The following WDFY4 variants were observed in gnomAD, a reference collection of about 807,000 sequenced individuals.
WDFY4 encodes WDFY family member 4, also known as WD repeat- and FYVE domain-containing protein 4.
Under a neutral mutation model 351.9 loss-of-function variants are expected in WDFY4, and 169 were observed. The observed-to-expected ratio is 0.48, with a 90% CI of 0.42 to 0.55. WDFY4 has a LOEUF of 0.55. Ranked by LOEUF, WDFY4 falls within the 20% of genes least tolerant of loss-of-function variation. The pLI is 0.00. For missense variants in WDFY4, 3,803 were observed against 3,935.6 expected, an observed-to-expected ratio of 0.97 and a Z score of 0.90; for synonymous variants, 1,622 against 1,574.6, an observed-to-expected ratio of 1.03 and a Z score of -0.71.
chr10:48,805,655 C>G lies in WDFY4; in HGVS notation c.4646+234C>G, dbSNP rs554637816. 5.3e-5 allele frequency among the ~76,000 whole-genome samples: 8 copies of G among 152,318 alleles called. No individual in the cohort carries two copies. In the East Asian group the frequency reaches 5.8e-4, roughly 11 times the overall value. ...ACTGTTCCCACTGCTCAGGCTCCCC[C>G]ACTGTGGCCAAATATTCAGGAATTT... On this transcript the variant is annotated intron_variant, in intron 26 of 61. Coordinates refer to ENST00000325239, the MANE Select transcript of WDFY4 (RefSeq NM_001394531.1).
At chr10:48,888,933 C>G (rs904477223) in intron 43 of WDFY4, among the ~76,000 whole-genome samples, 16 of 152,162 alleles carry the variant, frequency 1.1e-4, no homozygotes, top group African/African-American at 3.9e-4. Flanking sequence ...GGTTAAAATC[C>G]CGCTACTGGA....
At chr10:48,817,968 G>A (rs970356280) in intron 32 of WDFY4, among the ~76,000 whole-genome samples, 2 of 152,240 alleles carry the variant, frequency 1.3e-5, no homozygotes, top group Non-Finnish European at 2.9e-5. Context: ...AGGGGCTATG[G>A]GAAGACATGT....
chr10:48,756,783 C>T (rs7922895), intron 12 of WDFY4, among the ~76,000 whole-genome samples: 5 of 152,038 alleles, frequency 3.3e-5, no homozygotes, highest in Non-Finnish European at 5.9e-5. Context: ...CTTGCATTTA[C>T]GGGTAGTCCA....
intron 17 of WDFY4, among the ~76,000 whole-genome samples, chr10:48,778,375 T>C (rs2132643018): frequency 6.6e-6 from 1 of 152,364 alleles, no homozygotes; most frequent in African/African-American, 2.4e-5. Context: ...CAGAGCACAC[T>C]GCCTGGCTAT....
chr10:48,959,662 C>T (rs1377416901), intron 52 of WDFY4, 60 bp from the exon 53 acceptor site: 3 of 1,441,476 alleles, frequency 2.1e-6, no homozygotes, highest in African/African-American at 2.8e-5. Flanking sequence ...TATTTTACAT[C>T]CCCCAGTTCC....
At chr10:48,732,741 A>G (rs1158810378) in intron 9 of WDFY4, among the ~76,000 whole-genome samples, 3 of 152,258 alleles carry the variant, frequency 2.0e-5, no homozygotes, top group Non-Finnish European at 4.4e-5. Flanking sequence ...TGCCTGGTAC[A>G]TAACAGGGGC....
intron 51 of WDFY4, among the ~76,000 whole-genome samples, chr10:48,947,725 C>T (rs1407953679): frequency 6.6e-6 from 1 of 152,112 alleles, no homozygotes; most frequent in Non-Finnish European, 1.5e-5. Flanking sequence ...TCACTGGGAT[C>T]CTGCTTCCAA....
intron 11 of WDFY4, among the ~76,000 whole-genome samples, chr10:48,741,826 C>T (rs976832711): frequency 3.3e-5 from 5 of 152,156 alleles, no homozygotes; most frequent in Non-Finnish European, 5.9e-5. Context: ...TAAAACAATT[C>T]ACACCTCTCT....
intron 6 of WDFY4, among the ~76,000 whole-genome samples, chr10:48,726,863 C>T (rs2064286689): frequency 6.6e-6 from 1 of 152,156 alleles, no homozygotes; most frequent in South Asian, 2.1e-4. Context: ...AAACAGTGAC[C>T]CATCCAAATG....
At chr10:48,819,185 C>T (rs760993274) in intron 32 of WDFY4, among the ~76,000 whole-genome samples, 18 of 152,300 alleles carry the variant, frequency 1.2e-4, no homozygotes, top group Non-Finnish European at 2.1e-4. Flanking sequence ...CGGGCGAGGT[C>T]GGGCTTTTGT....
intron 14 of WDFY4, among the ~76,000 whole-genome samples, 162 bp from the exon 15 acceptor site, chr10:48,775,550 G>T (rs988335004): frequency 2.6e-5 from 4 of 152,210 alleles, no homozygotes; most frequent in Admixed American, 1.3e-4. Flanking sequence ...CTGGCTGGCA[G>T]GGCAGAGACA....
rs570775373 is a variant in WDFY4 at position 48,846,701 on chromosome 10, G to A, written c.6663+13992G>A. On this transcript the variant is annotated intron_variant, in intron 39 of 61. Coordinates refer to ENST00000325239, the MANE Select transcript of WDFY4 (RefSeq NM_001394531.1). ...AGCCCAGTGGTGAGTCACACAGTAGGACTAACATATTGGCTAGTCACAGCG... is the reference window on the plus strand; with the variant it reads ...AGCCCAGTGGTGAGTCACACAGTAGAACTAACATATTGGCTAGTCACAGCG... Among the ~76,000 whole-genome samples, 3 of 152,310 alleles carry A rather than the reference G, an allele frequency of 2.0e-5. No individual in the cohort carries two copies. The South Asian group carries it at 6.2e-4, about 32-fold the overall frequency.
chr10:48,982,583 G>A lies in WDFY4; in HGVS notation c.*8G>A, dbSNP rs1456504793. 2 of 1,549,428 alleles carry A rather than the reference G, an allele frequency of 1.3e-6. No individual in the cohort carries two copies. The highest frequency in any genetic ancestry group is 1.7e-6 in the Non-Finnish European group (2 of 1,145,622). On this transcript the variant is annotated 3_prime_UTR_variant, in exon 62 of 62. Coordinates refer to ENST00000325239, the MANE Select transcript of WDFY4 (RefSeq NM_001394531.1). ...TGGTCTGCAGATGGGTAGGAAGAGA[G>A]AGGCAGCAGAGGCTCTGGCACAACA...
At chr10:48,911,857 T>G (rs879570538) in intron 47 of WDFY4, among the ~76,000 whole-genome samples, 1 of 152,180 alleles carries the variant, frequency 6.6e-6, no homozygotes, top group African/African-American at 2.4e-5. Context: ...TCCCAAGGTT[T>G]TAGAAATATG....
At chr10:48,889,659 T>G (rs550219844) in intron 43 of WDFY4, among the ~76,000 whole-genome samples, 2 of 152,230 alleles carry the variant, frequency 1.3e-5, no homozygotes, top group African/African-American at 4.8e-5. Flanking sequence ...GGGTTTACTA[T>G]GTAAGGACCC....
At chr10:48,783,501 T>G (rs914281031) in intron 19 of WDFY4, among the ~76,000 whole-genome samples, 1 of 149,798 alleles carries the variant, frequency 6.7e-6, no homozygotes, top group African/African-American at 2.4e-5. Flanking sequence ...ATATATCTTA[T>G]GTATAAAATC....
At chr10:48,764,352 T>C (rs764282764) in intron 13 of WDFY4, among the ~76,000 whole-genome samples, 39 of 152,234 alleles carry the variant, frequency 2.6e-4, no homozygotes, top group Non-Finnish European at 5.3e-4. Flanking sequence ...TCTGGCATCA[T>C]CATCAATATT....
chr10:48,739,486 C>T (rs1296987834), intron 11 of WDFY4, among the ~76,000 whole-genome samples: 1 of 152,204 alleles, frequency 6.6e-6, no homozygotes, highest in South Asian at 2.1e-4. Flanking sequence ...CTAGACTCCC[C>T]GTTCCTGACA....
intron 1 of WDFY4, among the ~76,000 whole-genome samples, chr10:48,687,428 G>T (rs762714639): frequency 1.3e-5 from 2 of 151,806 alleles, no homozygotes; most frequent in Non-Finnish European, 2.9e-5. Context: ...CCACTATAAG[G>T]TTGTAAAATT....
Sources: gnomAD v4.1 joint callset for allele counts (sites outside exome capture counted in the v4.1 genomes callset) on GRCh38, gnomAD v4.1.1 for gene constraint, MANE v1.5 for transcripts, NCBI Gene and HGNC (gene_info 2026-07-23, HGNC 2026-07-21) for gene names.